Variants in CD101 observed in about 807,000 individuals in gnomAD.
CD101 encodes immunoglobulin superfamily member 2.
In CD101, 76 loss-of-function variants were observed where a neutral mutation model predicts 98.2. The ratio of observed to expected loss-of-function variants is 0.77; its 90% CI spans 0.64 to 0.94. The LOEUF is 0.94. Ranked by LOEUF, CD101 falls within the 40% of genes least tolerant of loss-of-function variation. The probability of loss-of-function intolerance (pLI) is 0.00; values close to 1 mark genes in which losing one functional copy is unlikely to be tolerated. For synonymous variants in CD101, 471 were observed against 472.7 expected, an observed-to-expected ratio of 1.00 and a Z score of 0.05; for missense variants, 1,145 against 1,218.8, an observed-to-expected ratio of 0.94 and a Z score of 0.90.
At chr1:117,030,600 C>T (rs1220663327) in intron 8 of CD101, among the ~76,000 whole-genome samples, 6 of 152,216 alleles carry the variant, frequency 3.9e-5, no homozygotes, top group Non-Finnish European at 7.3e-5. Flanking sequence ...CTGTGCTTCC[C>T]AGTACCTCCA....
intron 2 of CD101, 40 bp from the exon 3 acceptor site, chr1:117,011,510 C>G: frequency 6.4e-7 from 1 of 1,571,618 alleles, no homozygotes; most frequent in African/African-American, 1.3e-5. Flanking sequence ...ACTGGACAAG[C>G]ACTGGGCCAG....
intron 8 of CD101, among the ~76,000 whole-genome samples, chr1:117,029,196 A>AGT (rs1654198690): frequency 2.7e-5 from 2 of 74,938 alleles, no homozygotes; most frequent in Non-Finnish European, 5.2e-5. Flanking sequence ...AGAAAGAAAG[A>AGT]AAGAAAGAAA....
At position 117,018,150 on chromosome 1, in the gene CD101, G is replaced by A. The variant is rs377618364; in HGVS notation, c.1613-6G>A. 35 of 1,571,676 alleles carry A rather than the reference G, an allele frequency of 2.2e-5. No individual in the cohort carries two copies. Among genetic ancestry groups the A allele is most frequent in the Non-Finnish European group, 2.8e-5 (33 of 1,159,184 alleles). ...ATTAGAAATTCTGTTTCATTTTTCT[G>A]TCTAGAGTCAAGTTTACAAGTTAGT... On this transcript the variant is annotated splice_region_variant and splice_polypyrimidine_tract_variant and intron_variant, in intron 5 of 9. Coordinates refer to ENST00000682167, the MANE Select transcript of CD101 (RefSeq NM_001256106.3). The surrounding 1 kb of genome is among the most constrained non-coding windows in gnomAD (Gnocchi z 4.3).
chr1:117,024,992 G>A (rs1456663463), intron 7 of CD101, among the ~76,000 whole-genome samples: 1 of 152,206 alleles, frequency 6.6e-6, no homozygotes, highest in Non-Finnish European at 1.5e-5. Flanking sequence ...GGCTAAAGAA[G>A]GAAAGAGGCT....
rs1654766469 is a variant in CD101, at chr1:117,035,621, C to T, written c.*34-547C>T. Among the ~76,000 whole-genome samples, 5 of 149,844 alleles carry T rather than the reference C, an allele frequency of 3.3e-5. No homozygotes were observed. In the Admixed American group the frequency reaches 3.3e-4, roughly 10 times the overall value. ...CTGGAGTGCAGTGGTGTGACCTGGG[C>T]TCACTGCAAGCTCCGCCTCCCGGGT... is the stretch of plus-strand genomic sequence containing the variant. On this transcript the variant is annotated intron_variant, in intron 9 of 9. Coordinates refer to ENST00000682167, the MANE Select transcript of CD101 (RefSeq NM_001256106.3).
intron 1 of CD101, among the ~76,000 whole-genome samples, chr1:117,002,490 G>A (rs1173376283): frequency 6.6e-6 from 1 of 152,174 alleles, no homozygotes; most frequent in East Asian, 1.9e-4. Context: ...AAATTTGGAG[G>A]TAGAAGGGAG....
At chr1:117,026,058 C>A in intron 8 of CD101, 154 bp downstream of exon 8, 1 of 743,174 alleles carries the variant, frequency 1.3e-6, no homozygotes, top group Non-Finnish European at 2.1e-6. Flanking sequence ...ACTTTGCTGT[C>A]TCTCTCAATA....
At position 117,033,168 on chromosome 1, in the gene CD101, G is replaced by A. The variant is rs1654568950; in HGVS notation, c.2825-692G>A. On this transcript the variant is annotated intron_variant, in intron 8 of 9. Coordinates refer to ENST00000682167, the MANE Select transcript of CD101 (RefSeq NM_001256106.3). The surrounding 1 kb of genome is among the most constrained non-coding windows in gnomAD (Gnocchi z 4.8). Reference sequence around the variant, plus strand: ...AGAGAAGAACTGTGCCTGCAGCAAGGTAGGAAGAGCTGAGAGAGTAGGAAG... The same window carrying A: ...AGAGAAGAACTGTGCCTGCAGCAAGATAGGAAGAGCTGAGAGAGTAGGAAG... The A allele has an allele frequency of 6.5e-6, 1 of 153,098 alleles. No homozygotes were observed. The highest frequency in any genetic ancestry group is 6.5e-5 in the Admixed American group (1 of 15,306). The allele number at this position is 153,098 out of a possible 1,614,324, so 9.5% of individuals were successfully genotyped here.
At position 117,004,839 on chromosome 1, in the gene CD101, G is replaced by A. The variant is rs182091867; in HGVS notation, c.43+2979G>A. On this transcript the variant is annotated intron_variant, in intron 1 of 9. Coordinates refer to ENST00000682167, the MANE Select transcript of CD101 (RefSeq NM_001256106.3). The surrounding 1 kb of genome is among the most constrained non-coding windows in gnomAD (Gnocchi z 4.1). Reference sequence around the variant, plus strand: ...AGTAGTATGTCTTAGACTGTTTGGCGTGTTGTAGCAAAAGTACCATAAACT... The same window carrying A: ...AGTAGTATGTCTTAGACTGTTTGGCATGTTGTAGCAAAAGTACCATAAACT... Among the ~76,000 whole-genome samples the A allele has an allele frequency of 2.1e-3, 305 of 146,790 alleles. 1 individual carries two copies. The highest frequency in any genetic ancestry group is 3.4e-3 in the Non-Finnish European group (225 of 66,728).
intron 4 of CD101, among the ~76,000 whole-genome samples, chr1:117,016,802 G>A (rs190651807): frequency 6.6e-6 from 1 of 152,342 alleles, no homozygotes; most frequent in Non-Finnish European, 1.5e-5. Flanking sequence ...GTTGCAGTGA[G>A]TTAAGATCAC....
intron 7 of CD101, among the ~76,000 whole-genome samples, chr1:117,025,133 T>C (rs1570737010): frequency 1.3e-5 from 2 of 152,034 alleles, no homozygotes; most frequent in East Asian, 3.9e-4. Context: ...GAGGCTGAGG[T>C]GGGCAGATCA....
At chr1:117,016,174 A>G (rs967958051) in intron 4 of CD101, among the ~76,000 whole-genome samples, 5 of 148,364 alleles carry the variant, frequency 3.4e-5, no homozygotes, top group African/African-American at 1.2e-4. Context: ...TGTGTTGTAA[A>G]CAGACACACA....
intron 8 of CD101, among the ~76,000 whole-genome samples, chr1:117,029,890 C>T (rs1452614797): frequency 6.6e-6 from 1 of 152,206 alleles, no homozygotes; most frequent in Non-Finnish European, 1.5e-5. Flanking sequence ...TCTTCTCTAT[C>T]TTATTTCCTT....
chr1:117,007,012 C>T (rs1295979201), intron 1 of CD101, among the ~76,000 whole-genome samples: 1 of 152,096 alleles, frequency 6.6e-6, no homozygotes, highest in Non-Finnish European at 1.5e-5. Context: ...AGAAGTGTTG[C>T]CTAGCCACCA....
chr1:117,031,007 C>G (rs900167981), intron 8 of CD101, among the ~76,000 whole-genome samples: 2 of 152,202 alleles, frequency 1.3e-5, no homozygotes, highest in African/African-American at 4.8e-5. Flanking sequence ...GCATTGGGCA[C>G]TTACTTAGAT....
intron 5 of CD101, 72 bp downstream of exon 5, chr1:117,017,545 G>T: frequency 2.0e-6 from 3 of 1,471,242 alleles, no homozygotes; most frequent in South Asian, 1.3e-5. Flanking sequence ...ACTGGATTGC[G>T]TGTTATCCTG....
At chr1:117,008,327 T>C (rs1440536483) in intron 1 of CD101, among the ~76,000 whole-genome samples, 4 of 152,012 alleles carry the variant, frequency 2.6e-5, no homozygotes, top group Non-Finnish European at 5.9e-5. Context: ...TATCCAGGCG[T>C]GGTGGCCCAT....
Position 117,017,320 on chromosome 1 carries a change from G to A in CD101, c.1459G>A (p.Glu487Lys). The A allele has an allele frequency of 6.2e-7, 1 of 1,614,240 alleles. No homozygotes were observed. Among genetic ancestry groups the A allele is most frequent in the Non-Finnish European group, 8.5e-7 (1 of 1,180,042 alleles). The change falls in exon 5 of 10, where the codon GAG (glutamate) becomes AAG (lysine). Residue 487 changes from glutamate (E) to lysine (K), a missense_variant. Physicochemically the swap from Glu to Lys is moderately conservative, Grantham distance 56 (BLOSUM62 1). Transcript: ENST00000682167. ...VPSYHGNTRL[E>K]KMDWATFQLE... Reference sequence around the variant, plus strand: ...CAGTTACCATGGCAACACAAGGCTGGAGAAAATGGACTGGGCCACCTTCCA... The same window carrying A: ...CAGTTACCATGGCAACACAAGGCTGAAGAAAATGGACTGGGCCACCTTCCA...
chr1:117,029,194 A>AGAAAGAAG (rs1557778795), intron 8 of CD101, among the ~76,000 whole-genome samples: 1,395 of 43,180 alleles, frequency 0.032, 118 homozygotes, highest in Middle Eastern at 0.043. Flanking sequence ...AAAGAAAGAA[A>AGAAAGAAG]GAAAGAAAGA....
Sources: gnomAD v4.1 joint callset for allele counts (sites outside exome capture counted in the v4.1 genomes callset) on GRCh38, gnomAD v4.1.1 for gene constraint, Gnocchi (gnomAD v3.1) non-coding constraint, MANE v1.5 for transcripts, NCBI Gene and HGNC (gene_info 2026-07-23, HGNC 2026-07-21) for gene names.